MYLK: variants seen among roughly 807,000 people sequenced by gnomAD.
The protein encoded by MYLK is myosin light chain kinase.
A neutral mutation model predicts 203.4 loss-of-function variants in MYLK; 106 were observed. The ratio of observed to expected loss-of-function variants is 0.52; its 90% CI spans 0.45 to 0.61. The LOEUF (loss-of-function observed/expected upper bound fraction) is 0.61. MYLK is among the 20% of genes least tolerant of loss of function. The pLI is 0.00. For missense variants in MYLK, 2,072 were observed against 2,442.3 expected, an observed-to-expected ratio of 0.85 and a Z score of 3.20; for synonymous variants, 867 against 959.5, an observed-to-expected ratio of 0.90 and a Z score of 1.78.
intron 5 of MYLK, among the ~76,000 whole-genome samples, chr3:123,748,668 ATAAG>A (rs367633490): frequency 1.3e-5 from 2 of 152,248 alleles, no homozygotes; most frequent in African/African-American, 4.8e-5. Context: ...AATAGGTTAA[ATAAG>A]TATTTTATTA....
In MYLK at chr3:123,671,171, C is replaced by T. The variant is rs59192292; in HGVS notation, c.3653-3984G>A. ...CTTTGAGATTTCTTGCATAGATACACGTGGAAAGTCATATTGAAGGAATAT... is the reference window on the plus strand; with the variant it reads ...CTTTGAGATTTCTTGCATAGATACATGTGGAAAGTCATATTGAAGGAATAT... On this transcript the variant is annotated intron_variant, in intron 20 of 33. Coordinates refer to ENST00000360304, the MANE Select transcript of MYLK (RefSeq NM_053025.4). 6.9e-3 allele frequency among the ~76,000 whole-genome samples: 1,051 copies of T among 152,290 alleles called. 16 individuals carry two copies. Among genetic ancestry groups the T allele is most frequent in the African/African-American group, 0.025 (1,025 of 41,550 alleles).
rs577217732 is a variant in MYLK at position 123,662,282 on chromosome 3, C to T, written c.3985+1823G>A. The stretch of plus-strand genomic sequence containing the variant: ...AGTTTAGAGCTAGTTCCCACTTAGC[C>T]TCTGATGCACTATGTTACTTTGTTC... On this transcript the variant is annotated intron_variant, in intron 23 of 33. Transcript: ENST00000360304. 2.3e-4 allele frequency among the ~76,000 whole-genome samples: 35 copies of T among 152,288 alleles called. 1 individual carries two copies. The highest frequency in any genetic ancestry group is 6.8e-3 in the Middle Eastern group (2 of 294).
At chr3:123,759,303 G>A (rs1371217960) in intron 4 of MYLK, among the ~76,000 whole-genome samples, 1 of 152,150 alleles carries the variant, frequency 6.6e-6, no homozygotes, top group African/African-American at 2.4e-5. Context: ...TGGGGTTCTG[G>A]CTGTACTCTC....
Position 123,701,703 on chromosome 3 carries a change from A to G in MYLK, c.2391-194T>C, listed in dbSNP as rs2061236136. ...GTCACCCTTTATTTTCTCAGCTCTT[A>G]TTTAAAAAGAAGAAGAAAAAAAGAA... On this transcript the variant is annotated intron_variant, in intron 16 of 33. Transcript: ENST00000360304. 2.0e-5 allele frequency among the ~76,000 whole-genome samples: 3 copies of G among 152,196 alleles called. No individual in the cohort carries two copies. In the South Asian group the frequency reaches 6.2e-4, roughly 32 times the overall value.
intron 3 of MYLK, among the ~76,000 whole-genome samples, chr3:123,800,414 C>T (rs1224463189): frequency 6.6e-6 from 1 of 152,112 alleles, no homozygotes; most frequent in Non-Finnish European, 1.5e-5. Context: ...GCTGAAGAAG[C>T]CCTGTTTATG....
In MYLK at chr3:123,620,301, C is replaced by G; in HGVS notation, c.5274G>C (p.Leu1758=). Residue 1758 remains leucine, a synonymous_variant, in exon 32 of 34, where the codon CTG becomes CTC. Coordinates refer to ENST00000360304, the MANE Select transcript of MYLK (RefSeq NM_053025.4). ...GCCCTGAGATCATTGCCATAGAGGACAGTCTTCCAATGGCTCTCACAGCAT... is the reference window on the plus strand; with the variant it reads ...GCCCTGAGATCATTGCCATAGAGGAGAGTCTTCCAATGGCTCTCACAGCAT... The part of the protein sequence containing the change: ...TGNAVRAIGR[L]SSMAMISGLS... The G allele has an allele frequency of 3.7e-6, 6 of 1,614,126 alleles. No homozygotes were observed. Among genetic ancestry groups the G allele is most frequent in the Non-Finnish European group, 4.2e-6 (5 of 1,180,026 alleles).
intron 5 of MYLK, among the ~76,000 whole-genome samples, chr3:123,748,870 A>T (rs182771127): frequency 1.4e-4 from 22 of 152,230 alleles, no homozygotes; most frequent in Non-Finnish European, 3.1e-4. Flanking sequence ...GGAGTTCAAG[A>T]CCAGCTTGGC....
intron 2 of MYLK, among the ~76,000 whole-genome samples, chr3:123,846,786 T>C (rs549852417): frequency 1.3e-5 from 2 of 148,954 alleles, no homozygotes; most frequent in African/African-American, 4.9e-5. Context: ...TAAGGATCTC[T>C]TTTTTTTTTC....
At chr3:123,862,363 G>A (rs1484983111) in intron 2 of MYLK, among the ~76,000 whole-genome samples, 2 of 152,144 alleles carry the variant, frequency 1.3e-5, no homozygotes, top group Admixed American at 6.5e-5. Flanking sequence ...CACCATTATT[G>A]AGCTACTATT....
At chr3:123,760,324 A>G (rs1323926102) in intron 4 of MYLK, among the ~76,000 whole-genome samples, 1 of 152,140 alleles carries the variant, frequency 6.6e-6, no homozygotes, top group East Asian at 1.9e-4. Flanking sequence ...GATTACAGGC[A>G]TGCACCACCA....
At chr3:123,818,428 AC>A (rs1181900396) in intron 3 of MYLK, among the ~76,000 whole-genome samples, 1 of 152,124 alleles carries the variant, frequency 6.6e-6, no homozygotes, top group Non-Finnish European at 1.5e-5. Context: ...ACCACAGGGA[AC>A]CTGTAATCCC....
intron 11 of MYLK, 70 bp downstream of exon 11, chr3:123,732,826 C>A (rs749440219): frequency 7.1e-5 from 105 of 1,469,914 alleles, no homozygotes; most frequent in Non-Finnish European, 9.6e-5. Flanking sequence ...GAACCATCTG[C>A]AGAAGGTGAA....
chr3:123,822,370 A>T (rs887975050), intron 3 of MYLK, among the ~76,000 whole-genome samples: 3 of 152,158 alleles, frequency 2.0e-5, no homozygotes, highest in African/African-American at 7.2e-5. Context: ...CTGCTGTCCC[A>T]AAGCGCAGCC....
chr3:123,833,023 A>G (rs1344990013), intron 2 of MYLK, among the ~76,000 whole-genome samples: 2 of 152,084 alleles, frequency 1.3e-5, no homozygotes, highest in Non-Finnish European at 2.9e-5. Context: ...TTTGAAAAGG[A>G]AACGGGAGAG....
chr3:123,614,027 A>AG lies in MYLK; in HGVS notation c.*77dup, dbSNP rs886057857. The AG allele has an allele frequency of 1.8e-3, 2,153 of 1,186,266 alleles. 6 individuals are homozygous for AG. In the African/African-American group the frequency reaches 0.018, roughly 10 times the overall value. 73.5% of individuals were successfully genotyped at this position (1,186,266 alleles called of 1,614,324 possible). A position where few individuals can be genotyped will look rare whatever the true frequency, so the allele number is the denominator to read the frequency against. On this transcript the variant is annotated 3_prime_UTR_variant, in exon 34 of 34. Transcript: ENST00000360304. Reference sequence around the variant, plus strand: ...CACACTAGGTGCTTTTACTATCTTGAGTTTTTTTTTTTTTTTTGAGTTTTA... The same window carrying AG: ...CACACTAGGTGCTTTTACTATCTTGAGGTTTTTTTTTTTTTTTTGAGTTTTA...
chr3:123,776,990 A>C (rs1049668095), intron 4 of MYLK, among the ~76,000 whole-genome samples: 9 of 152,256 alleles, frequency 5.9e-5, no homozygotes, highest in African/African-American at 2.2e-4. Context: ...CAAAACAATA[A>C]TAAAGACCGA....
chr3:123,629,937 T>C lies in MYLK; in HGVS notation c.4962-311A>G. 2.7e-6 allele frequency: 1 copy of C among 372,264 alleles called. No homozygotes were observed. Among genetic ancestry groups the C allele is most frequent in the Non-Finnish European group, 5.1e-6 (1 of 197,078 alleles). 23.1% of individuals were successfully genotyped at this position (372,264 alleles called of 1,614,324 possible). ...GATAAGTCCCTCTGTCCTGGTTTTC[T>C]ATTATTCCCCAAAGCCCAGGCTAGA... is the stretch of plus-strand genomic sequence containing the variant. On this transcript the variant is annotated intron_variant, in intron 29 of 33. Coordinates refer to ENST00000360304, the MANE Select transcript of MYLK (RefSeq NM_053025.4). The surrounding 1 kb of genome is among the most constrained non-coding windows in gnomAD (Gnocchi z 4.4).
chr3:123,686,993 G>A (rs1036907595), intron 19 of MYLK, among the ~76,000 whole-genome samples: 20 of 152,114 alleles, frequency 1.3e-4, no homozygotes, highest in East Asian at 3.9e-4. Context: ...AGGCTGAGGC[G>A]GGTGGATCAC....
At chr3:123,865,006 T>C (rs923979452) in intron 2 of MYLK, among the ~76,000 whole-genome samples, 7 of 152,136 alleles carry the variant, frequency 4.6e-5, no homozygotes, top group African/African-American at 1.7e-4. Context: ...TTTCCTGCAG[T>C]TTCTAGCTTG....
Sources: gnomAD v4.1 joint callset for allele counts (sites outside exome capture counted in the v4.1 genomes callset) on GRCh38, gnomAD v4.1.1 for gene constraint, Gnocchi (gnomAD v3.1) non-coding constraint, MANE v1.5 for transcripts, NCBI Gene and HGNC (gene_info 2026-07-23, HGNC 2026-07-21) for gene names.